MGST1: variants seen among roughly 807,000 people sequenced by gnomAD.
MGST1 encodes glutathione S-transferase 12.
Under a neutral mutation model 8.9 loss-of-function variants are expected in MGST1, and 5 were observed. That is an observed-to-expected ratio of 0.56 (90% CI 0.29 to 1.19). MGST1 has a LOEUF of 1.19. MGST1 is among the 50% of genes most tolerant of loss of function. The pLI is 0.08. For missense variants in MGST1, 182 were observed against 187.4 expected (o/e 0.97, Z 0.17); for synonymous variants, 54 against 67.8 (o/e 0.80, Z 1.00).
At chr12:16,399,674 T>G in intron 1 of MGST1, 1 of 1,531,416 alleles carries the variant, frequency 6.5e-7, no homozygotes, top group South Asian at 1.1e-5. Flanking sequence ...ACCAGACACC[T>G]TGTTCGAAAA....
At chr12:16,578,271 C>G (rs535905658) in intron 4 of MGST1, among the ~76,000 whole-genome samples, 2 of 152,240 alleles carry the variant, frequency 1.3e-5, no homozygotes, top group East Asian at 3.9e-4. Flanking sequence ...ATTTTTTCTT[C>G]CAAAGCTTGT....
chr12:16,460,118 G>C (rs1163980374), intron 4 of MGST1, among the ~76,000 whole-genome samples: 1 of 152,122 alleles, frequency 6.6e-6, no homozygotes, highest in Non-Finnish European at 1.5e-5. Flanking sequence ...ATTTAGTATA[G>C]TGCCTGGCAC....
chr12:16,399,140 A>G (rs1240303925), intron 1 of MGST1: 3 of 847,450 alleles, frequency 3.5e-6, no homozygotes, highest in East Asian at 4.9e-5. Context: ...GTCCACATAA[A>G]TGGCCCCCGA....
intron 1 of MGST1, among the ~76,000 whole-genome samples, chr12:16,432,573 CA>C (rs1940947565): frequency 6.6e-6 from 1 of 151,634 alleles, no homozygotes; most frequent in Non-Finnish European, 1.5e-5. Flanking sequence ...GGGAGAGAGC[CA>C]AAAGTAACAC....
downstream of MGST1, among the ~76,000 whole-genome samples, chr12:16,365,741 G>A (rs1024837): frequency 2.7e-4 from 27 of 101,266 alleles, no homozygotes; most frequent in East Asian, 1.2e-3. Context: ...ACGCGTGCAC[G>A]CGCACACACA....
Position 16,412,776 on chromosome 12 carries a change from C to A in MGST1, n.779-24612C>A, listed in dbSNP as rs577867606. Reference sequence around the variant, plus strand: ...TGCCATGATTGTGAGGCCTCCCCAACCATGTGGAACTGTAAGTCCATTAAA... The same window carrying A: ...TGCCATGATTGTGAGGCCTCCCCAAACATGTGGAACTGTAAGTCCATTAAA... On this transcript the variant is annotated intron_variant and non_coding_transcript_variant, in intron 1 of 1. Transcript: ENST00000359720. 5.9e-5 allele frequency among the ~76,000 whole-genome samples: 9 copies of A among 152,326 alleles called. No individual in the cohort carries two copies. In the East Asian group the frequency reaches 1.7e-3, roughly 29 times the overall value.
chr12:16,505,686 T>G (rs74531812), intron 4 of MGST1, among the ~76,000 whole-genome samples: 25,419 of 152,182 alleles, frequency 0.17, 2,977 homozygotes, highest in African/African-American at 0.33. Flanking sequence ...TATTCTAGAT[T>G]TCTCTCACTG....
chr12:16,407,028 A>C (rs1162404473), intron 1 of MGST1, among the ~76,000 whole-genome samples: 1 of 152,258 alleles, frequency 6.6e-6, no homozygotes, highest in African/African-American at 2.4e-5. Context: ...AAATGCCAAA[A>C]GCAATTGCAA....
At chr12:16,464,993 G>C (rs1941243855) in intron 4 of MGST1, among the ~76,000 whole-genome samples, 1 of 152,100 alleles carries the variant, frequency 6.6e-6, no homozygotes, top group Non-Finnish European at 1.5e-5. Flanking sequence ...TTTATACTTG[G>C]AATAACAAAC....
At chr12:16,488,198 T>A (rs1166399351) in intron 4 of MGST1, among the ~76,000 whole-genome samples, 2 of 152,230 alleles carry the variant, frequency 1.3e-5, no homozygotes, top group African/African-American at 4.8e-5. Context: ...TCTGAACAAT[T>A]TAATTTCTAA....
rs1943189974 is a variant in MGST1, at chr12:16,582,413, G to T, written n.483-7115G>T. Among the ~76,000 whole-genome samples, 1 of 152,150 alleles carries T rather than the reference G, an allele frequency of 6.6e-6. No homozygotes were observed. The highest frequency in any genetic ancestry group is 2.1e-4 in the South Asian group (1 of 4,830). ...GTTTTTGTATCTGTATGCAAAAATA[G>T]CATTAGTGTTTTATATTTTATATTG... On this transcript the variant is annotated intron_variant and non_coding_transcript_variant, in intron 4 of 4. Transcript: ENST00000538857. The surrounding 1 kb of genome is among the most constrained non-coding windows in gnomAD (Gnocchi z 4.1).
chr12:16,531,156 C>CAA (rs5796677), intron 4 of MGST1, among the ~76,000 whole-genome samples: 15 of 46,544 alleles, frequency 3.2e-4, no homozygotes, highest in African/African-American at 1.0e-3. Flanking sequence ...TACCCCTGAC[C>CAA]AAAAAAAAAA....
chr12:16,400,243 A>T, intron 1 of MGST1: 3 of 847,854 alleles, frequency 3.5e-6, no homozygotes, highest in South Asian at 1.4e-5. Flanking sequence ...CTTCCCAAAC[A>T]TGATGGCATT....
At chr12:16,529,879 C>G (rs1304274733) in intron 4 of MGST1, among the ~76,000 whole-genome samples, 1 of 152,028 alleles carries the variant, frequency 6.6e-6, no homozygotes, top group African/African-American at 2.4e-5. Context: ...CTCCAAACTG[C>G]TTTGATATGA....
At chr12:16,428,916 A>T (rs2137090993) in intron 1 of MGST1, among the ~76,000 whole-genome samples, 1 of 152,176 alleles carries the variant, frequency 6.6e-6, no homozygotes, top group Middle Eastern at 3.4e-3. Flanking sequence ...AACATGATAA[A>T]ATGTAGCCAT....
rs1941585074 is a variant in MGST1 at position 16,512,748 on chromosome 12, C to G, written n.483-76780C>G. Among the ~76,000 whole-genome samples the G allele has an allele frequency of 2.0e-5, 3 of 152,328 alleles. No individual in the cohort carries two copies. The South Asian group carries it at 6.2e-4, about 32-fold the overall frequency. On this transcript the variant is annotated intron_variant and non_coding_transcript_variant, in intron 4 of 4. Coordinates refer to the MGST1 transcript ENST00000538857. Reference sequence around the variant, plus strand: ...GCTTTTTCAAAATGCTTGTCTATTACATAAATAAAATAATTTCTTGCCAAT... The same window carrying G: ...GCTTTTTCAAAATGCTTGTCTATTAGATAAATAAAATAATTTCTTGCCAAT...
intron 1 of MGST1, among the ~76,000 whole-genome samples, chr12:16,392,945 A>G (rs915768271): frequency 1.2e-4 from 18 of 152,164 alleles, no homozygotes; most frequent in Admixed American, 1.0e-3. Flanking sequence ...ACATTTATCT[A>G]TATCCCACTA....
intron 4 of MGST1, among the ~76,000 whole-genome samples, chr12:16,525,377 A>T (rs977510685): frequency 2.7e-5 from 4 of 149,038 alleles, no homozygotes; most frequent in East Asian, 2.0e-4. Flanking sequence ...CCCACCTATG[A>T]GTGAGAATAT....
chr12:16,481,359 A>G (rs1941363151), intron 4 of MGST1, among the ~76,000 whole-genome samples: 1 of 152,204 alleles, frequency 6.6e-6, no homozygotes, highest in Admixed American at 6.5e-5. Context: ...GGAGCAATGC[A>G]TGACTCAAAC....
Sources: gnomAD v4.1 joint callset for allele counts (sites outside exome capture counted in the v4.1 genomes callset) on GRCh38, gnomAD v4.1.1 for gene constraint, Gnocchi (gnomAD v3.1) non-coding constraint, MANE v1.5 for transcripts, NCBI Gene and HGNC (gene_info 2026-07-23, HGNC 2026-07-21) for gene names.